Variants in ATP8A2 observed in about 807,000 individuals in gnomAD.
ATP8A2 encodes phospholipid-transporting ATPase IB.
In ATP8A2, 100 loss-of-function variants were observed where a neutral mutation model predicts 165.6. The observed-to-expected ratio is 0.60, with a 90% CI of 0.51 to 0.71. ATP8A2 has a LOEUF of 0.71. Ranked by LOEUF, ATP8A2 falls within the 30% of genes least tolerant of loss-of-function variation. The pLI is 0.00. For synonymous variants in ATP8A2, 543 were observed against 548.8 expected (o/e 0.99, Z 0.15); for missense variants, 1,227 against 1,479.5 (o/e 0.83, Z 2.80).
intron 36 of ATP8A2, among the ~76,000 whole-genome samples, chr13:26,014,983 C>A (rs777952796): frequency 6.6e-6 from 1 of 152,060 alleles, no homozygotes. Flanking sequence ...GCCGTGTTGC[C>A]TCTCTGATGA....
intron 33 of ATP8A2, 62 bp from the exon 34 acceptor site, chr13:25,961,513 T>C (rs1955659440): frequency 3.1e-6 from 4 of 1,296,088 alleles, no homozygotes; most frequent in Non-Finnish European, 4.5e-6. Context: ...CTTGATTACA[T>C]TATGTTGCTC....
intron 11 of ATP8A2, among the ~76,000 whole-genome samples, chr13:25,553,192 TC>T (rs1459867653): frequency 5.5e-5 from 8 of 144,784 alleles, no homozygotes; most frequent in African/African-American, 2.0e-4. Flanking sequence ...TGTCCCCCTC[TC>T]CCTCCCCCAT....
rs546777415 is a variant in ATP8A2 at position 26,025,816 on chromosome 13, G to T, written c.*5831G>T. The T allele has an allele frequency of 6.6e-6, 1 of 152,284 alleles. No individual in the cohort carries two copies. Among genetic ancestry groups the T allele is most frequent in the East Asian group, 1.9e-4 (1 of 5,184 alleles). 9.4% of individuals were successfully genotyped at this position (152,284 alleles called of 1,614,324 possible). A position where few individuals can be genotyped will look rare whatever the true frequency, so the allele number is the denominator to read the frequency against. On this transcript the variant is annotated 3_prime_UTR_variant, in exon 37 of 37. Transcript: ENST00000381655. ...ATCCTGTTGACTGGTGTATGTCTGC[G>T]CAAACCTGTTTCAAATAAATCTTTT...
At chr13:25,926,281 C>T (rs1954603567) in intron 33 of ATP8A2, among the ~76,000 whole-genome samples, 1 of 152,108 alleles carries the variant, frequency 6.6e-6, no homozygotes, top group Non-Finnish European at 1.5e-5. Flanking sequence ...TTGCCTATAC[C>T]TAGAGCAGGG....
intron 19 of ATP8A2, among the ~76,000 whole-genome samples, chr13:25,575,743 G>T (rs2039598343): frequency 6.6e-6 from 1 of 152,118 alleles, no homozygotes; most frequent in Non-Finnish European, 1.5e-5. Context: ...GGCTCATGTA[G>T]GAAGTGGTGA....
At chr13:25,538,173 T>G in intron 7 of ATP8A2, 112 bp downstream of exon 7, 2 of 629,300 alleles carry the variant, frequency 3.2e-6, no homozygotes, top group Non-Finnish European at 5.5e-6. Context: ...ATCCTCTCTC[T>G]GTCCCATTCT....
intron 27 of ATP8A2, among the ~76,000 whole-genome samples, chr13:25,782,898 C>G (rs186560079): frequency 6.6e-6 from 1 of 152,014 alleles, no homozygotes; most frequent in East Asian, 1.9e-4. Flanking sequence ...TGCCACCGCA[C>G]CTGGCTAATT....
At chr13:25,491,981 T>C (rs1039452675) in intron 2 of ATP8A2, among the ~76,000 whole-genome samples, 2 of 152,236 alleles carry the variant, frequency 1.3e-5, no homozygotes, top group Admixed American at 6.5e-5. Context: ...ATTGAATAAA[T>C]ACTTGTGCTT....
At chr13:25,723,698 A>G (rs1037448834) in intron 25 of ATP8A2, among the ~76,000 whole-genome samples, 3 of 152,008 alleles carry the variant, frequency 2.0e-5, no homozygotes, top group African/African-American at 7.3e-5. Context: ...GCTTGCAGCC[A>G]TTGTTCTGGG....
intron 35 of ATP8A2, among the ~76,000 whole-genome samples, chr13:25,998,446 T>C (rs1055324440): frequency 1.3e-5 from 2 of 152,184 alleles, no homozygotes; most frequent in Admixed American, 6.5e-5. Flanking sequence ...GCCACCTTTT[T>C]CTCTGGGGTA....
intron 2 of ATP8A2, among the ~76,000 whole-genome samples, chr13:25,521,365 A>C (rs1010143096): frequency 6.6e-6 from 1 of 151,940 alleles, no homozygotes; most frequent in Non-Finnish European, 1.5e-5. Context: ...ATTCTGCAGG[A>C]GGTTTTTAGC....
At chr13:25,855,163 A>T (rs889568928) in intron 30 of ATP8A2, among the ~76,000 whole-genome samples, 6 of 152,078 alleles carry the variant, frequency 3.9e-5, no homozygotes, top group Admixed American at 1.3e-4. Context: ...AAGCAAGAGA[A>T]TCGCTTGAAC....
At chr13:25,444,412 G>A (rs1283494613) in intron 1 of ATP8A2, among the ~76,000 whole-genome samples, 1 of 152,124 alleles carries the variant, frequency 6.6e-6, no homozygotes, top group Admixed American at 6.5e-5. Flanking sequence ...CCTAGAAGTA[G>A]AATTAACTCA....
chr13:25,899,690 G>GGTT (rs1233069097), intron 33 of ATP8A2, among the ~76,000 whole-genome samples: 1 of 152,156 alleles, frequency 6.6e-6, no homozygotes, highest in Non-Finnish European at 1.5e-5. Flanking sequence ...GGAAGGAAGG[G>GGTT]GTTGGTGCAG....
At chr13:25,611,905 T>C (rs750305390) in intron 24 of ATP8A2, among the ~76,000 whole-genome samples, 1 of 152,168 alleles carries the variant, frequency 6.6e-6, no homozygotes, top group South Asian at 2.1e-4. Context: ...CTCCTCTAAG[T>C]TTTCCAGTTT....
At chr13:25,868,213 A>G in intron 33 of ATP8A2, 1 of 437,646 alleles carries the variant, frequency 2.3e-6, no homozygotes, top group South Asian at 1.6e-5. Flanking sequence ...TCAAAGTTAC[A>G]GATTGGTTTA....
At chr13:25,924,693 T>C (rs1400011867) in intron 33 of ATP8A2, among the ~76,000 whole-genome samples, 1 of 152,180 alleles carries the variant, frequency 6.6e-6, no homozygotes, top group Non-Finnish European at 1.5e-5. Context: ...AGGTATGATA[T>C]GGTTTGGCTG....
intron 35 of ATP8A2, among the ~76,000 whole-genome samples, chr13:25,970,520 T>C (rs369613088): frequency 2.2e-4 from 34 of 152,384 alleles, no homozygotes; most frequent in African/African-American, 8.2e-4. Context: ...ACATGCATTT[T>C]GCAGAGATAC....
At chr13:25,596,065 G>C (rs954908001) in intron 24 of ATP8A2, among the ~76,000 whole-genome samples, 5 of 152,132 alleles carry the variant, frequency 3.3e-5, no homozygotes, top group African/African-American at 1.2e-4. Context: ...GAGAGAAGAG[G>C]TTCTCTTAGT....
Sources: allele counts gnomAD v4.1 joint callset (sites outside exome capture counted in the v4.1 genomes callset), GRCh38; gene constraint gnomAD v4.1.1; transcripts MANE v1.5; gene names NCBI Gene and HGNC (gene_info 2026-07-23, HGNC 2026-07-21).